IL24: variants seen among roughly 807,000 people sequenced by gnomAD.
IL24 encodes the protein interleukin-24.
A neutral mutation model predicts 27.6 loss-of-function variants in IL24; 24 were observed. That is an observed-to-expected ratio of 0.87 (90% CI 0.63 to 1.22). IL24 has a LOEUF of 1.22. IL24 is among the 50% of genes most tolerant of loss of function. The probability of loss-of-function intolerance (pLI) is 0.00; values close to 1 mark genes in which losing one functional copy is unlikely to be tolerated. For synonymous variants in IL24, 99 were observed against 93.1 expected (o/e 1.06, Z -0.36); for missense variants, 240 against 237.0 (o/e 1.01, Z -0.08).
chr1:206,901,531 A>G lies in IL24; in HGVS notation c.341A>G (p.Glu114Gly). 2 of 1,614,038 alleles carry G rather than the reference A, an allele frequency of 1.2e-6. No individual in the cohort carries two copies. The highest frequency in any genetic ancestry group is 1.7e-4 in the Middle Eastern group (1 of 6,046). ...ESCYLVHTLLEFYLKTVFKNY... is the reference protein window; with the variant it reads ...ESCYLVHTLLGFYLKTVFKNY... ...TGTTACCTTGTCCACACCCTGCTGG[A>G]GTTCTACTTGAAAACTGTTTTCAAA... Residue 114 changes from glutamate (E) to glycine (G), a missense_variant, in exon 5 of 7, where the codon GAG (glutamate) becomes GGG (glycine). Glu to Gly is a moderately conservative substitution (Grantham distance 98, BLOSUM62 -2). Transcript: ENST00000294984.
At chr1:206,898,838 G>A (rs3093441) in intron 2 of IL24, among the ~76,000 whole-genome samples, 45 of 152,264 alleles carry the variant, frequency 3.0e-4, no homozygotes, top group African/African-American at 6.3e-4. Context: ...AGGGACAGCC[G>A]TCTCCTGGGG....
In IL24 at chr1:206,903,020, C is replaced by A; in HGVS notation, c.582C>A (p.Asp194Glu). The change falls in exon 7 of 7, where the codon GAC becomes GAA. Residue 194 changes from aspartate (D) to glutamate (E), a missense_variant. By Grantham distance (45) the Asp-to-Glu change is conservative (BLOSUM62 2). Coordinates refer to ENST00000294984, the MANE Select transcript of IL24 (RefSeq NM_006850.3). ...AALTKALGEV[D>E]ILLTWMQKFY... ...TGACCAAAGCCCTTGGGGAAGTGGA[C>A]ATTCTTCTGACCTGGATGCAGAAAT... The A allele has an allele frequency of 6.2e-7, 1 of 1,614,204 alleles. No homozygotes were observed. Among genetic ancestry groups the A allele is most frequent in the Non-Finnish European group, 8.5e-7 (1 of 1,180,020 alleles).
chr1:206,902,971 T>C lies in IL24; in HGVS notation c.538-5T>C. ...GGCTGACCTTCAACCCTCTTTTCCC[T>C]TTAGTTGGACGTAGAAGCAGCTCTG... is the stretch of plus-strand genomic sequence containing the variant. On this transcript the variant is annotated splice_region_variant and splice_polypyrimidine_tract_variant and intron_variant, in intron 6 of 6. Coordinates refer to ENST00000294984, the MANE Select transcript of IL24 (RefSeq NM_006850.3). 1 of 1,614,152 alleles carries C rather than the reference T, an allele frequency of 6.2e-7. No individual in the cohort carries two copies. The highest frequency in any genetic ancestry group is 1.1e-5 in the South Asian group (1 of 91,078).
chr1:206,899,526 T>C lies in IL24; in HGVS notation c.240+11T>C. The C allele has an allele frequency of 1.9e-6, 3 of 1,578,250 alleles. No individual in the cohort carries two copies. Among genetic ancestry groups the C allele is most frequent in the Middle Eastern group, 1.7e-4 (1 of 5,872 alleles). ...GTGAAAGACACTATGGTGAGTAAAG[T>C]GCTGTTCTGGACCCAGTCGTGGGGG... On this transcript the variant is annotated intron_variant, in intron 3 of 6. Coordinates refer to ENST00000294984, the MANE Select transcript of IL24 (RefSeq NM_006850.3).
chr1:206,900,306 T>C lies in IL24; in HGVS notation c.252T>C (p.Asp84=). 1 of 1,613,914 alleles carries C rather than the reference T, an allele frequency of 6.2e-7. No individual in the cohort carries two copies. The highest frequency in any genetic ancestry group is 2.2e-5 in the East Asian group (1 of 44,834). Residue 84 remains aspartate, a synonymous_variant, in exon 4 of 7, where the codon GAT becomes GAC. Coordinates refer to ENST00000294984, the MANE Select transcript of IL24 (RefSeq NM_006850.3). The part of the protein sequence containing the change: ...WAVKDTMQAQ[D]NITSARLLQQ... ...TTCTGTTTGCCAAGCAAGCTCAGGA[T>C]AACATCACGAGTGCCCGGCTGCTGC...
intron 4 of IL24, among the ~76,000 whole-genome samples, chr1:206,901,159 C>G (rs1346777017): frequency 6.6e-6 from 1 of 152,148 alleles, no homozygotes; most frequent in Non-Finnish European, 1.5e-5. Flanking sequence ...CATCACATCC[C>G]CATAGCTGTT....
At position 206,899,420 on chromosome 1, in the gene IL24, G is replaced by T. The variant is rs771354331; in HGVS notation, c.145G>T (p.Ala49Ser). The T allele has an allele frequency of 1.9e-6, 3 of 1,614,062 alleles. No individual in the cohort carries two copies. Among genetic ancestry groups the T allele is most frequent in the East Asian group, 2.2e-5 (1 of 44,900 alleles). Residue 49 changes from alanine to serine, a missense_variant, in exon 3 of 7, where the codon GCC (alanine) becomes TCC (serine). Transcript: ENST00000294984. ...GCTTCTCTGGAGCCAGGTATCAGGG[G>T]CCCAGGGCCAAGAATTCCACTTTGG... ...TLLLWSQVSG[A>S]QGQEFHFGPC...
At position 206,897,811 on chromosome 1, in the gene IL24, A is replaced by G. The variant is rs757546270; in HGVS notation, c.-22A>G. 70 of 1,612,486 alleles carry G rather than the reference A, an allele frequency of 4.3e-5. No homozygotes were observed. The highest frequency in any genetic ancestry group is 6.7e-5 in the Admixed American group (4 of 59,892). ...ATTGAGGCTGCTTGGGAGGAAGGCC[A>G]GGAGGAACACGAGACTGAGAGATGA... is the stretch of plus-strand genomic sequence containing the variant. On this transcript the variant is annotated 5_prime_UTR_variant, in exon 2 of 7. Transcript: ENST00000294984.
Position 206,903,080 on chromosome 1 carries a change from C to T in IL24, c.*21C>T, listed in dbSNP as rs776177639. 2.5e-5 allele frequency: 39 copies of T among 1,585,464 alleles called. No individual in the cohort carries two copies. In the South Asian group the frequency reaches 3.9e-4, roughly 16 times the overall value. On this transcript the variant is annotated 3_prime_UTR_variant, in exon 7 of 7. Coordinates refer to ENST00000294984, the MANE Select transcript of IL24 (RefSeq NM_006850.3). The stretch of plus-strand genomic sequence containing the variant: ...TCTGAATGTCTAGACCAGGACCTCC[C>T]TCCCCCTGGCACTGGTTTGTTCCCT...
At position 206,900,281 on chromosome 1, in the gene IL24, T is replaced by C. The variant is rs766102696; in HGVS notation, c.241-14T>C. 2.5e-6 allele frequency: 4 copies of C among 1,613,684 alleles called. No homozygotes were observed. The Admixed American group carries it at 6.7e-5, about 27-fold the overall frequency. The stretch of plus-strand genomic sequence containing the variant: ...CCCCTAACCTGGAGACGTCTTTTCT[T>C]TCTGTTTGCCAAGCAAGCTCAGGAT... On this transcript the variant is annotated splice_polypyrimidine_tract_variant and intron_variant, in intron 3 of 6. Coordinates refer to ENST00000294984, the MANE Select transcript of IL24 (RefSeq NM_006850.3).
intron 2 of IL24, 54 bp downstream of exon 2, chr1:206,897,930 A>T (rs1678223035): frequency 1.6e-6 from 2 of 1,213,818 alleles, no homozygotes; most frequent in Non-Finnish European, 2.4e-6. Flanking sequence ...AGGTGGGCAG[A>T]TCATTTAAGG....
Position 206,899,322 on chromosome 1 carries a change from C to A in IL24, c.47C>A (p.Pro16His), listed in dbSNP as rs201683011. Reference protein sequence around the residue: ...RLQSLWTLARPFCPPLLATAS... With the variant: ...RLQSLWTLARHFCPPLLATAS... ...GCTGCCTCCCTTTCTTTCAGCAGAC[C>A]CTTCTGCCCTCCTTTGCTGGCGACA... is the stretch of plus-strand genomic sequence containing the variant. Residue 16 changes from proline (P) to histidine (H), a missense_variant and splice_region_variant, in exon 3 of 7, where the codon CCC becomes CAC. Pro to His is a moderately conservative substitution (Grantham distance 77). Coordinates refer to ENST00000294984, the MANE Select transcript of IL24 (RefSeq NM_006850.3). 4 of 1,613,144 alleles carry A rather than the reference C, an allele frequency of 2.5e-6. No individual in the cohort carries two copies. Among genetic ancestry groups the A allele is most frequent in the Non-Finnish European group, 3.4e-6 (4 of 1,179,716 alleles).
rs753715416 is a variant in IL24, at chr1:206,902,083, G to T, written c.537+11G>T. The T allele has an allele frequency of 6.2e-7, 1 of 1,613,942 alleles. No homozygotes were observed. Among genetic ancestry groups the T allele is most frequent in the South Asian group, 1.1e-5 (1 of 91,078 alleles). On this transcript the variant is annotated intron_variant, in intron 6 of 6. Coordinates refer to ENST00000294984, the MANE Select transcript of IL24 (RefSeq NM_006850.3). The stretch of plus-strand genomic sequence containing the variant: ...AGAGCATTCAAACAGGTAAGGCCAA[G>T]AGCTGAGAGCTTGCCCATCCAGCAG...
chr1:206,899,419 G>C lies in IL24; in HGVS notation c.144G>C (p.Gly48=). The change falls in exon 3 of 7, where the codon GGG becomes GGC. Residue 48 remains glycine (G), a synonymous_variant. Transcript: ENST00000294984. ...TGCTTCTCTGGAGCCAGGTATCAGG[G>C]GCCCAGGGCCAAGAATTCCACTTTG... ...FTLLLWSQVS[G]AQGQEFHFGP... 6.2e-7 allele frequency: 1 copy of C among 1,614,166 alleles called. No homozygotes were observed. The highest frequency in any genetic ancestry group is 2.2e-5 in the East Asian group (1 of 44,884).
chr1:206,902,549 A>T (rs938409794), intron 6 of IL24: 2 of 975,048 alleles, frequency 2.1e-6, no homozygotes, highest in Non-Finnish European at 2.4e-6. Flanking sequence ...CCCTAAAAAC[A>T]TAAATGATTT....
At chr1:206,898,833 C>G (rs1206436164) in intron 2 of IL24, among the ~76,000 whole-genome samples, 1 of 152,154 alleles carries the variant, frequency 6.6e-6, no homozygotes, top group Non-Finnish European at 1.5e-5. Context: ...GAGTGAGGGA[C>G]AGCCGTCTCC....
chr1:206,897,951 G>C (rs988728311), intron 2 of IL24, 75 bp downstream of exon 2: 18 of 891,328 alleles, frequency 2.0e-5, no homozygotes, highest in Non-Finnish European at 3.2e-5. Context: ...TCAGGAGTTC[G>C]AGACCAGCCT....
intron 4 of IL24, 41 bp downstream of exon 4, chr1:206,900,398 C>A: frequency 1.9e-6 from 3 of 1,585,000 alleles, no homozygotes; most frequent in African/African-American, 1.3e-5. Flanking sequence ...TGGGACGGGT[C>A]TACTGTGGGT....
At position 206,899,440 on chromosome 1, in the gene IL24, C is replaced by T. The variant is rs1678290665; in HGVS notation, c.165C>T (p.His55=). The T allele has an allele frequency of 6.2e-7, 1 of 1,614,068 alleles. No individual in the cohort carries two copies. The highest frequency in any genetic ancestry group is 1.1e-5 in the South Asian group (1 of 91,066). ...QVSGAQGQEF[H]FGPCQVKGVV... ...CAGGGGCCCAGGGCCAAGAATTCCACTTTGGGCCCTGCCAAGTGAAGGGGG... is the reference window on the plus strand; with the variant it reads ...CAGGGGCCCAGGGCCAAGAATTCCATTTTGGGCCCTGCCAAGTGAAGGGGG... Residue 55 remains histidine, a synonymous_variant, in exon 3 of 7, where the codon CAC becomes CAT. Transcript: ENST00000294984.
Sources: allele counts gnomAD v4.1 joint callset (sites outside exome capture counted in the v4.1 genomes callset), GRCh38; gene constraint gnomAD v4.1.1; transcripts MANE v1.5; gene names NCBI Gene and HGNC (gene_info 2026-07-23, HGNC 2026-07-21).